Variants in SGCE observed in about 807,000 individuals in gnomAD.
SGCE encodes epsilon-sarcoglycan.
In SGCE, 26 loss-of-function variants were observed where a neutral mutation model predicts 57.8. The observed-to-expected ratio is 0.45, with a 90% CI of 0.33 to 0.62. The LOEUF (loss-of-function observed/expected upper bound fraction) is 0.62. Among genes scored for constraint, SGCE ranks in the 20% least tolerant of loss-of-function variants. SGCE has a pLI of 0.02. For synonymous variants in SGCE, 183 were observed against 189.5 expected (o/e 0.97, Z 0.28); for missense variants, 468 against 548.6 (o/e 0.85, Z 1.47).
intron 9 of SGCE, among the ~76,000 whole-genome samples, chr7:94,595,945 A>G (rs1798337544): frequency 6.6e-6 from 1 of 152,128 alleles, no homozygotes; most frequent in Non-Finnish European, 1.5e-5. Flanking sequence ...GACGCACTTG[A>G]TGATCCTGCA....
At chr7:94,627,948 A>ATC in intron 3 of SGCE, 1 of 424,972 alleles carries the variant, frequency 2.4e-6, no homozygotes, top group Non-Finnish European at 4.3e-6. Flanking sequence ...TATTATAATA[A>ATC]TCTCTTTTAA....
Position 94,618,780 on chromosome 7 carries a change from G to T in SGCE, c.640C>A (p.Pro214Thr). Reference sequence around the variant, plus strand: ...TACCCCTCCTTCAGGTCATTAATGGGAAGTGGCACCCTGCCACCCCTGTCT... The same window carrying T: ...TACCCCTCCTTCAGGTCATTAATGGTAAGTGGCACCCTGCCACCCCTGTCT... Reference protein sequence around the residue: ...ALDRGGRVPLPINDLKEGVYV... With the variant: ...ALDRGGRVPLTINDLKEGVYV... Residue 214 changes from proline to threonine, a missense_variant, in exon 5 of 11, where the codon CCC (proline) becomes ACC (threonine). Physicochemically the swap from Pro to Thr is conservative, Grantham distance 38 (BLOSUM62 -1). Coordinates refer to ENST00000648936, the MANE Select transcript of SGCE (RefSeq NM_003919.3). 6.2e-7 allele frequency: 1 copy of T among 1,613,882 alleles called. No individual in the cohort carries two copies. The highest frequency in any genetic ancestry group is 8.5e-7 in the Non-Finnish European group (1 of 1,179,902).
intron 1 of SGCE, chr7:94,639,492 CATG>C (rs1425686491): frequency 1.1e-5 from 13 of 1,211,842 alleles, no homozygotes; most frequent in Admixed American, 4.2e-5. Context: ...AAATTAATGT[CATG>C]ATTTTTTAAA....
chr7:94,586,274 T>G (rs1318256715), intron 10 of SGCE, among the ~76,000 whole-genome samples: 2 of 152,112 alleles, frequency 1.3e-5, no homozygotes, highest in Non-Finnish European at 2.9e-5. Context: ...TGCATAAATG[T>G]AGCTGCCTCT....
intron 1 of SGCE, among the ~76,000 whole-genome samples, chr7:94,649,093 C>T (rs1455732323): frequency 6.6e-6 from 1 of 152,272 alleles, no homozygotes; most frequent in East Asian, 1.9e-4. Context: ...TGGCGATTCC[C>T]GTGGTACAGG....
intron 5 of SGCE, chr7:94,616,770 C>T (rs1259704026): frequency 6.6e-6 from 1 of 151,882 alleles, no homozygotes; most frequent in Non-Finnish European, 1.5e-5. Context: ...CGAATTATAA[C>T]TCAAGTAAGA....
At chr7:94,645,228 G>T (rs1562895525) in intron 1 of SGCE, among the ~76,000 whole-genome samples, 1 of 152,088 alleles carries the variant, frequency 6.6e-6, no homozygotes, top group African/African-American at 2.4e-5. Flanking sequence ...TGATTTTGTT[G>T]TGCAGTCAAA....
At chr7:94,608,172 T>C (rs1054472782) in intron 5 of SGCE, among the ~76,000 whole-genome samples, 1 of 151,992 alleles carries the variant, frequency 6.6e-6, no homozygotes, top group Non-Finnish European at 1.5e-5. Flanking sequence ...GACAAAACCA[T>C]CTCTACTAAA....
chr7:94,623,271 CAT>C (rs1803111619), intron 4 of SGCE, 52 bp downstream of exon 4: 1 of 1,107,152 alleles, frequency 9.0e-7, no homozygotes, highest in Non-Finnish European at 1.3e-6. Context: ...AGTTATAAAA[CAT>C]AATGAAATAC....
chr7:94,609,817 AAC>A (rs1378699811), intron 5 of SGCE, among the ~76,000 whole-genome samples: 1 of 152,212 alleles, frequency 6.6e-6, no homozygotes, highest in African/African-American at 2.4e-5. Flanking sequence ...CTTACAAAAT[AAC>A]ATACTTTTAC....
At chr7:94,634,950 T>C (rs955567511) in intron 1 of SGCE, among the ~76,000 whole-genome samples, 23 of 152,330 alleles carry the variant, frequency 1.5e-4, no homozygotes, top group African/African-American at 5.5e-4. Flanking sequence ...AACACTTACA[T>C]ATTCGATATG....
chr7:94,588,356 C>A, intron 10 of SGCE: 1 of 1,125,360 alleles, frequency 8.9e-7, no homozygotes, highest in Non-Finnish European at 1.1e-6. Context: ...TGAGACAAAT[C>A]CTGGATGCAT....
chr7:94,616,735 C>T (rs889056098), intron 5 of SGCE: 1 of 152,002 alleles, frequency 6.6e-6, no homozygotes, highest in Non-Finnish European at 1.5e-5. Context: ...CATGCAAAAT[C>T]ATTTGCAGCG....
intron 2 of SGCE, chr7:94,628,620 C>T (rs938272960): frequency 4.6e-6 from 2 of 436,722 alleles, no homozygotes; most frequent in East Asian, 4.6e-5. Context: ...TTTTTGGTCA[C>T]CTAACAGTGA....
At chr7:94,636,796 G>T (rs1262787369) in intron 1 of SGCE, among the ~76,000 whole-genome samples, 2 of 152,174 alleles carry the variant, frequency 1.3e-5, no homozygotes, top group Non-Finnish European at 2.9e-5. Context: ...GGGCCTGGCA[G>T]CTCACGCCTA....
At chr7:94,596,108 A>C (rs1798362421) in intron 9 of SGCE, among the ~76,000 whole-genome samples, 1 of 152,098 alleles carries the variant, frequency 6.6e-6, no homozygotes, top group Admixed American at 6.6e-5. Context: ...AATTGTTGCA[A>C]GTTCAATATA....
intron 5 of SGCE, 77 bp from the exon 6 acceptor site, chr7:94,603,529 G>T (rs777703229): frequency 7.1e-7 from 1 of 1,399,370 alleles, no homozygotes. Context: ...TTAAAAGCAG[G>T]ATTTAGCCTT....
intron 1 of SGCE, among the ~76,000 whole-genome samples, chr7:94,630,369 T>C (rs1411439231): frequency 1.3e-5 from 2 of 152,002 alleles, no homozygotes; most frequent in East Asian, 3.9e-4. Flanking sequence ...CGTATACTTA[T>C]AAAAATGCAT....
chr7:94,634,736 A>G (rs1878588), intron 1 of SGCE, among the ~76,000 whole-genome samples: 98,619 of 152,058 alleles, frequency 0.65, 33,132 homozygotes, highest in East Asian at 0.75. Flanking sequence ...CGTATTTCCT[A>G]GTTCTTAGTT....
Sources: gnomAD v4.1 joint callset for allele counts (sites outside exome capture counted in the v4.1 genomes callset) on GRCh38, gnomAD v4.1.1 for gene constraint, MANE v1.5 for transcripts, NCBI Gene and HGNC (gene_info 2026-07-23, HGNC 2026-07-21) for gene names.